Variants in GTF2F2 observed in about 807,000 individuals in gnomAD.
GTF2F2 encodes ATP-dependent helicase GTF2F2.
Under a neutral mutation model 42.2 loss-of-function variants are expected in GTF2F2, and 23 were observed. That is an observed-to-expected ratio of 0.55 (90% CI 0.39 to 0.77). The LOEUF (loss-of-function observed/expected upper bound fraction) is 0.77, where lower values mean the gene tolerates loss of function less well. GTF2F2 is among the 30% of genes least tolerant of loss of function. The pLI is 0.00. For synonymous variants in GTF2F2, 105 were observed against 100.8 expected, an observed-to-expected ratio of 1.04 and a Z score of -0.25; for missense variants, 261 against 287.2, an observed-to-expected ratio of 0.91 and a Z score of 0.66.
At chr13:45,245,864 C>T (rs1478690774) in intron 5 of GTF2F2, among the ~76,000 whole-genome samples, 3 of 141,766 alleles carry the variant, frequency 2.1e-5, no homozygotes, top group African/African-American at 7.7e-5. Context: ...TGGCGTGAAC[C>T]TGGAAGGTGG....
At chr13:45,190,352 G>T (rs1872571379) in intron 4 of GTF2F2, among the ~76,000 whole-genome samples, 1 of 152,154 alleles carries the variant, frequency 6.6e-6, no homozygotes, top group Non-Finnish European at 1.5e-5. Flanking sequence ...ATCAAGTGAG[G>T]CAAACCTATA....
intron 4 of GTF2F2, among the ~76,000 whole-genome samples, chr13:45,198,727 T>G (rs895536175): frequency 6.6e-6 from 1 of 152,172 alleles, no homozygotes; most frequent in Non-Finnish European, 1.5e-5. Context: ...TTTATTGATC[T>G]GTGTTTTGAC....
rs1158010068 is a variant in GTF2F2 at position 45,191,215 on chromosome 13, C to CAAAAAAAA, written c.305-16206_305-16199dup. The stretch of plus-strand genomic sequence containing the variant: ...TGAAACCCCGTCTCTACTAAAAATA[C>CAAAAAAAA]AAAAAAAAAATATATATATATATAT... On this transcript the variant is annotated intron_variant, in intron 4 of 7. Coordinates refer to ENST00000340473, the MANE Select transcript of GTF2F2 (RefSeq NM_004128.3). 2.3e-3 allele frequency among the ~76,000 whole-genome samples: 171 copies of CAAAAAAAA among 74,744 alleles called. 3 individuals carry two copies. Among genetic ancestry groups the CAAAAAAAA allele is most frequent in the Non-Finnish European group, 2.9e-3 (123 of 42,534 alleles). The allele number at this position is 74,744 out of a possible 152,430, so 49.0% of individuals were successfully genotyped here. A position where few individuals can be genotyped will look rare whatever the true frequency, so the allele number is the denominator to read the frequency against.
intron 4 of GTF2F2, among the ~76,000 whole-genome samples, chr13:45,157,379 G>T (rs1219945687): frequency 6.6e-6 from 1 of 152,202 alleles, no homozygotes; most frequent in African/African-American, 2.4e-5. Flanking sequence ...TTTTAGTGAA[G>T]TGGGAAGTCA....
At chr13:45,232,324 T>G (rs1248568022) in intron 5 of GTF2F2, among the ~76,000 whole-genome samples, 1 of 152,170 alleles carries the variant, frequency 6.6e-6, no homozygotes, top group African/African-American at 2.4e-5. Context: ...TAGTATAATG[T>G]GAAAATTGAA....
intron 2 of GTF2F2, among the ~76,000 whole-genome samples, chr13:45,145,643 TCTTA>T (rs1479746695): frequency 1.2e-4 from 18 of 152,356 alleles, no homozygotes; most frequent in Admixed American, 4.6e-4. Context: ...TTCTTCCTTT[TCTTA>T]CTTGTGCTTC....
intron 7 of GTF2F2, among the ~76,000 whole-genome samples, chr13:45,272,583 A>G (rs1169476289): frequency 2.0e-5 from 3 of 151,566 alleles, no homozygotes; most frequent in African/African-American, 7.3e-5. Context: ...ACTCTACAAA[A>G]AAATACAAAA....
At chr13:45,190,955 A>T (rs1056119040) in intron 4 of GTF2F2, among the ~76,000 whole-genome samples, 2 of 151,494 alleles carry the variant, frequency 1.3e-5, no homozygotes, top group African/African-American at 2.4e-5. Flanking sequence ...AAAAAAAAAA[A>T]ACTGAATAAG....
intron 2 of GTF2F2, among the ~76,000 whole-genome samples, chr13:45,146,940 C>T (rs1870223496): frequency 1.3e-5 from 2 of 152,200 alleles, no homozygotes; most frequent in African/African-American, 4.8e-5. Flanking sequence ...TTCATACATT[C>T]ACACACCAAG....
chr13:45,132,095 T>C (rs1869386118), intron 1 of GTF2F2, among the ~76,000 whole-genome samples: 2 of 152,150 alleles, frequency 1.3e-5, no homozygotes, highest in African/African-American at 2.4e-5. Context: ...GATTAATATA[T>C]TTACAGCATT....
chr13:45,279,702 T>C (rs1183086844), intron 7 of GTF2F2, among the ~76,000 whole-genome samples: 1 of 151,936 alleles, frequency 6.6e-6, no homozygotes, highest in Non-Finnish European at 1.5e-5. Flanking sequence ...GGTCAGCAGT[T>C]CAAGACCAGC....
At chr13:45,274,817 C>T (rs567860027) in intron 7 of GTF2F2, among the ~76,000 whole-genome samples, 2 of 152,144 alleles carry the variant, frequency 1.3e-5, no homozygotes, top group African/African-American at 4.8e-5. Flanking sequence ...GTGGCATGTG[C>T]CTATAGTTCC....
chr13:45,273,529 A>G (rs1192447590), intron 7 of GTF2F2, among the ~76,000 whole-genome samples: 5 of 152,206 alleles, frequency 3.3e-5, no homozygotes, highest in African/African-American at 1.2e-4. Context: ...ATTTATTTAT[A>G]TAGAATTTAC....
At chr13:45,241,184 A>AAAATATATATATAT (rs1875282581) in intron 5 of GTF2F2, among the ~76,000 whole-genome samples, 1 of 143,886 alleles carries the variant, frequency 6.9e-6, no homozygotes, top group African/African-American at 2.5e-5. Context: ...ATAAATATAA[A>AAAATATATATATAT]ATATATATAT....
chr13:45,199,102 T>C (rs949755167), intron 4 of GTF2F2, among the ~76,000 whole-genome samples: 3 of 152,256 alleles, frequency 2.0e-5, no homozygotes, highest in African/African-American at 7.2e-5. Flanking sequence ...CTGTGCCAAG[T>C]ACTTGAACCT....
intron 5 of GTF2F2, among the ~76,000 whole-genome samples, chr13:45,224,830 A>C (rs2138209034): frequency 6.6e-6 from 1 of 152,360 alleles, no homozygotes; most frequent in East Asian, 1.9e-4. Flanking sequence ...GAATCAGTTC[A>C]GTGTTGACAA....
chr13:45,185,457 A>G (rs1872373982), intron 4 of GTF2F2, among the ~76,000 whole-genome samples: 1 of 152,176 alleles, frequency 6.6e-6, no homozygotes, highest in African/African-American at 2.4e-5. Flanking sequence ...GCACATGTAG[A>G]CTTACACATG....
chr13:45,243,233 C>T (rs978404688), intron 5 of GTF2F2, among the ~76,000 whole-genome samples: 9 of 152,112 alleles, frequency 5.9e-5, no homozygotes, highest in African/African-American at 1.4e-4. Flanking sequence ...GGTTCCTCAA[C>T]GCCTGGGCCG....
intron 1 of GTF2F2, among the ~76,000 whole-genome samples, chr13:45,124,802 G>C (rs1351829993): frequency 6.6e-6 from 1 of 151,968 alleles, no homozygotes; most frequent in African/African-American, 2.4e-5. Flanking sequence ...CTGACCTCGT[G>C]ATCTGCCTGC....
Sources: gnomAD v4.1 joint callset for allele counts (sites outside exome capture counted in the v4.1 genomes callset) on GRCh38, gnomAD v4.1.1 for gene constraint, MANE v1.5 for transcripts, NCBI Gene and HGNC (gene_info 2026-07-23, HGNC 2026-07-21) for gene names.